Variants in ZFYVE28 observed in about 807,000 individuals in gnomAD.
ZFYVE28 encodes the protein zinc finger FYVE-type containing 28.
Under a neutral mutation model 82.1 loss-of-function variants are expected in ZFYVE28, and 40 were observed. The observed-to-expected ratio is 0.49, with a 90% CI of 0.38 to 0.63. The LOEUF (loss-of-function observed/expected upper bound fraction) is 0.63. Ranked by LOEUF, ZFYVE28 falls within the 30% of genes least tolerant of loss-of-function variation. The probability of loss-of-function intolerance (pLI) is 0.00; values close to 1 mark genes in which losing one functional copy is unlikely to be tolerated. For missense variants in ZFYVE28, 1,321 were observed against 1,242.1 expected (o/e 1.06, Z -0.96); for synonymous variants, 612 against 546.1 (o/e 1.12, Z -1.68).
chr4:2,351,902 A>C (rs566574773), intron 2 of ZFYVE28, among the ~76,000 whole-genome samples: 77 of 152,370 alleles, frequency 5.1e-4, no homozygotes, highest in Non-Finnish European at 8.1e-4. Context: ...TTATTTTTAA[A>C]AATTGACATG....
At position 2,417,421 on chromosome 4, in the gene ZFYVE28, G is replaced by C. The variant is rs1297861981; in HGVS notation, c.39+864C>G. Among the ~76,000 whole-genome samples the C allele has an allele frequency of 6.6e-6, 1 of 150,490 alleles. No individual in the cohort carries two copies. Among genetic ancestry groups the C allele is most frequent in the Admixed American group, 6.6e-5 (1 of 15,092 alleles). Reference sequence around the variant, plus strand: ...GGCGGGGACGCAGCGCCCGCAGTGCGACTGGCGCAGCCGCTGAGGCACGGG... The same window carrying C: ...GGCGGGGACGCAGCGCCCGCAGTGCCACTGGCGCAGCCGCTGAGGCACGGG... On this transcript the variant is annotated intron_variant, in intron 1 of 12. Coordinates refer to ENST00000290974, the MANE Select transcript of ZFYVE28 (RefSeq NM_020972.3). The surrounding 1 kb of genome is among the most constrained non-coding windows in gnomAD (Gnocchi z 4.8).
intron 1 of ZFYVE28, among the ~76,000 whole-genome samples, chr4:2,398,218 G>A (rs567218294): frequency 4.6e-5 from 7 of 152,334 alleles, no homozygotes; most frequent in African/African-American, 1.4e-4. Context: ...GGGAAGGCCA[G>A]TGCCCGTGCC....
intron 8 of ZFYVE28, among the ~76,000 whole-genome samples, chr4:2,282,387 A>G (rs1017097689): frequency 1.3e-5 from 2 of 152,224 alleles, no homozygotes; most frequent in Non-Finnish European, 2.9e-5. Flanking sequence ...GCCACAGGAC[A>G]GTGGCCAGGT....
chr4:2,291,294 C>T (rs1713643960), intron 8 of ZFYVE28, among the ~76,000 whole-genome samples: 1 of 152,222 alleles, frequency 6.6e-6, no homozygotes, highest in Non-Finnish European at 1.5e-5. Context: ...CGAGAAGGGG[C>T]TGTTCCCCCT....
At chr4:2,334,133 T>C (rs967979871) in intron 6 of ZFYVE28, among the ~76,000 whole-genome samples, 1 of 152,152 alleles carries the variant, frequency 6.6e-6, no homozygotes, top group Non-Finnish European at 1.5e-5. Flanking sequence ...CTCTCTCTGG[T>C]TTGCTAACTT....
intron 12 of ZFYVE28, 177 bp downstream of exon 12, chr4:2,271,134 T>A (rs1427083497): frequency 8.0e-6 from 6 of 754,330 alleles, no homozygotes; most frequent in African/African-American, 1.8e-5. Context: ...CCATCCAGGT[T>A]CCCGTGGTCA....
chr4:2,270,476 G>A lies in ZFYVE28; in HGVS notation c.*249C>T, dbSNP rs1387836648. 2 of 556,468 alleles carry A rather than the reference G, an allele frequency of 3.6e-6. No individual in the cohort carries two copies. Among genetic ancestry groups the A allele is most frequent in the African/African-American group, 3.8e-5 (2 of 52,836 alleles). 34.5% of individuals were successfully genotyped at this position (556,468 alleles called of 1,614,324 possible). On this transcript the variant is annotated 3_prime_UTR_variant, in exon 13 of 13. Coordinates refer to ENST00000290974, the MANE Select transcript of ZFYVE28 (RefSeq NM_020972.3). Reference sequence around the variant, plus strand: ...TCTCCGCCAGGCACCCTGCCCTGAGGCAGCCACCAGGCTCCTCCGGGTCCC... The same window carrying A: ...TCTCCGCCAGGCACCCTGCCCTGAGACAGCCACCAGGCTCCTCCGGGTCCC...
At chr4:2,311,016 G>T (rs963898908) in intron 7 of ZFYVE28, among the ~76,000 whole-genome samples, 3 of 151,958 alleles carry the variant, frequency 2.0e-5, no homozygotes, top group African/African-American at 7.3e-5. Flanking sequence ...TCTTCTGTTA[G>T]CTTTGATTAA....
At chr4:2,318,179 A>G (rs892826740) in intron 7 of ZFYVE28, among the ~76,000 whole-genome samples, 2 of 152,236 alleles carry the variant, frequency 1.3e-5, no homozygotes, top group Non-Finnish European at 2.9e-5. Flanking sequence ...ACAGCCAAGT[A>G]GACTGCAGCT....
intron 1 of ZFYVE28, among the ~76,000 whole-genome samples, chr4:2,358,975 CTT>C (rs34020284): frequency 1.3e-4 from 16 of 125,710 alleles, no homozygotes; most frequent in Non-Finnish European, 1.6e-4. Flanking sequence ...CCAATTTTTT[CTT>C]TTTTTTTTTT....
In ZFYVE28 at chr4:2,376,767, G is replaced by A. The variant is rs907551680; in HGVS notation, c.40-22694C>T. Among the ~76,000 whole-genome samples the A allele has an allele frequency of 3.9e-5, 6 of 152,152 alleles. No homozygotes were observed. The South Asian group carries it at 1.2e-3, about 32-fold the overall frequency. ...GATGAGATTTGGGTGGGGACACAAA[G>A]CCAAACCATATCACTGGGTATGGTG... On this transcript the variant is annotated intron_variant, in intron 1 of 12. Transcript: ENST00000290974.
intron 4 of ZFYVE28, among the ~76,000 whole-genome samples, chr4:2,338,257 C>T (rs1404920839): frequency 6.6e-6 from 1 of 152,236 alleles, no homozygotes; most frequent in East Asian, 1.9e-4. Context: ...GCTTGTCCAA[C>T]CCTTCCCCAG....
At chr4:2,346,164 T>TAA (rs34720466) in intron 2 of ZFYVE28, among the ~76,000 whole-genome samples, 2 of 126,490 alleles carry the variant, frequency 1.6e-5, no homozygotes, top group Admixed American at 1.6e-4. Context: ...CCGTCTCTAC[T>TAA]AAAAAAAAAA....
intron 1 of ZFYVE28, among the ~76,000 whole-genome samples, chr4:2,359,242 A>C (rs1292548318): frequency 1.3e-5 from 2 of 151,260 alleles, no homozygotes; most frequent in African/African-American, 4.9e-5. Flanking sequence ...TAGCCTCCCA[A>C]AGTTCTGGGA....
At chr4:2,274,038 C>G (rs200918391) in intron 9 of ZFYVE28, 24 bp downstream of exon 9, 35 of 1,611,872 alleles carry the variant, frequency 2.2e-5, no homozygotes, top group Non-Finnish European at 2.7e-5. Context: ...AGCCATGCAC[C>G]GGTCTCAGGC....
At chr4:2,364,473 A>ATT (rs1726591071) in intron 1 of ZFYVE28, 1 of 985,314 alleles carries the variant, frequency 1.0e-6, no homozygotes, top group Admixed American at 6.1e-5. Context: ...ATTCACATCA[A>ATT]TAAGTACTTT....
intron 8 of ZFYVE28, among the ~76,000 whole-genome samples, chr4:2,301,967 A>G (rs778353407): frequency 1.3e-5 from 2 of 152,204 alleles, no homozygotes; most frequent in African/African-American, 4.8e-5. Context: ...AACAAGCCCA[A>G]GCCAGCACTT....
chr4:2,284,526 G>A (rs1269074162), intron 8 of ZFYVE28, among the ~76,000 whole-genome samples: 2 of 152,156 alleles, frequency 1.3e-5, no homozygotes, highest in Non-Finnish European at 2.9e-5. Context: ...GCCCAAGATG[G>A]GCTGAGCACA....
intron 2 of ZFYVE28, among the ~76,000 whole-genome samples, chr4:2,348,839 T>G (rs77233867): frequency 5.9e-5 from 9 of 152,180 alleles, no homozygotes; most frequent in Admixed American, 3.9e-4. Context: ...TCTTTTATCT[T>G]TGTAGCATAT....
Sources: gnomAD v4.1 joint callset for allele counts (sites outside exome capture counted in the v4.1 genomes callset) on GRCh38, gnomAD v4.1.1 for gene constraint, Gnocchi (gnomAD v3.1) non-coding constraint, MANE v1.5 for transcripts, NCBI Gene and HGNC (gene_info 2026-07-23, HGNC 2026-07-21) for gene names.